Variants in TNRC6B observed in about 807,000 individuals in gnomAD.
The protein encoded by TNRC6B is trinucleotide repeat-containing gene 6B protein.
A neutral mutation model predicts 203.6 loss-of-function variants in TNRC6B; 52 were observed. That is an observed-to-expected ratio of 0.26 (90% CI 0.20 to 0.32). The LOEUF is 0.32. Ranked by LOEUF, TNRC6B falls within the 10% of genes least tolerant of loss-of-function variation. The probability of loss-of-function intolerance (pLI) is 1.00; values close to 1 mark genes in which losing one functional copy is unlikely to be tolerated. For synonymous variants in TNRC6B, 838 were observed against 845.7 expected (o/e 0.99, Z 0.16); for missense variants, 1,923 against 2,286.2 (o/e 0.84, Z 3.24).
At chr22:40,269,781 G>A (rs1038970673) in intron 5 of TNRC6B, among the ~76,000 whole-genome samples, 3 of 151,512 alleles carry the variant, frequency 2.0e-5, no homozygotes, top group African/African-American at 2.4e-5. Flanking sequence ...TCAGCTGCTC[G>A]GGAGGCTGAG....
intron 12 of TNRC6B, among the ~76,000 whole-genome samples, chr22:40,295,488 A>G (rs574760879): frequency 2.6e-4 from 39 of 151,860 alleles, no homozygotes; most frequent in African/African-American, 6.5e-4. Context: ...AAAAAAAAAA[A>G]AAAGAAAGAA....
rs1340806976 is a variant in TNRC6B at position 40,332,195 on chromosome 22, C to A, written c.*8954C>A. The A allele has an allele frequency of 6.6e-6, 1 of 152,580 alleles. No homozygotes were observed. Among genetic ancestry groups the A allele is most frequent in the East Asian group, 1.9e-4 (1 of 5,190 alleles). The allele number at this position is 152,580 out of a possible 1,614,324, so 9.5% of individuals were successfully genotyped here. The stretch of plus-strand genomic sequence containing the variant: ...CTCTCCTTTTTAATATTTCTTTCTT[C>A]CTTTTTAATCATGTTTAAGTGAACT... On this transcript the variant is annotated 3_prime_UTR_variant, in exon 23 of 23. Transcript: ENST00000454349.
At chr22:40,158,986 A>C (rs1428491519) in intron 4 of TNRC6B, among the ~76,000 whole-genome samples, 1 of 152,000 alleles carries the variant, frequency 6.6e-6, no homozygotes, top group African/African-American at 2.4e-5. Context: ...CGTGTGTGAC[A>C]GAGTCTCGCT....
At chr22:40,312,735 T>C (rs1601515381) in intron 18 of TNRC6B, 84 bp downstream of exon 18, 1 of 1,529,834 alleles carries the variant, frequency 6.5e-7, no homozygotes, top group East Asian at 2.3e-5. Flanking sequence ...TACTTGCTGG[T>C]ACCTAAAAGT....
intron 1 of TNRC6B, among the ~76,000 whole-genome samples, chr22:40,115,196 C>T (rs1307204441): frequency 6.6e-6 from 1 of 152,164 alleles, no homozygotes; most frequent in African/African-American, 2.4e-5. Flanking sequence ...GTTAAGGAGA[C>T]ATGTAATGAA....
chr22:40,267,156 A>G, intron 5 of TNRC6B, 120 bp downstream of exon 5: 1 of 1,060,608 alleles, frequency 9.4e-7, no homozygotes. Context: ...TACAGTTTCT[A>G]CTCTGTTGCT....
chr22:40,145,711 G>A (rs1275102200), intron 3 of TNRC6B, among the ~76,000 whole-genome samples: 1 of 151,956 alleles, frequency 6.6e-6, no homozygotes, highest in Non-Finnish European at 1.5e-5. Flanking sequence ...GTGTGGTGGC[G>A]CCCTCCTGTA....
chr22:40,128,579 A>G (rs111400428), intron 3 of TNRC6B, among the ~76,000 whole-genome samples: 4,754 of 144,466 alleles, frequency 0.033, 325 homozygotes, highest in Admixed American at 0.17. Flanking sequence ...CACGGCTCAC[A>G]GCTCACAGCT....
chr22:40,111,203 C>T (rs2068330683), intron 1 of TNRC6B, among the ~76,000 whole-genome samples: 1 of 152,218 alleles, frequency 6.6e-6, no homozygotes, highest in Non-Finnish European at 1.5e-5. Context: ...GTGCAAACAG[C>T]ACGTTCAACG....
intron 1 of TNRC6B, among the ~76,000 whole-genome samples, chr22:40,242,247 C>A (rs1041471686): frequency 5.3e-5 from 8 of 151,984 alleles, no homozygotes; most frequent in Non-Finnish European, 1.0e-4. Flanking sequence ...TATATACTCA[C>A]ATATGTACAC....
At chr22:40,173,444 T>TA (rs2069022680), upstream of TNRC6B, among the ~76,000 whole-genome samples, 1 of 149,994 alleles carries the variant, frequency 6.7e-6, no homozygotes, top group Non-Finnish European at 1.5e-5. Flanking sequence ...TTTTGGCTGT[T>TA]ACTTTATATC....
At chr22:40,122,663 C>G (rs1470687394) in intron 2 of TNRC6B, among the ~76,000 whole-genome samples, 1 of 152,100 alleles carries the variant, frequency 6.6e-6, no homozygotes, top group African/African-American at 2.4e-5. Context: ...GGTGGAAACT[C>G]AGGAGCCAGG....
chr22:40,203,885 G>A (rs370063648), intron 1 of TNRC6B, among the ~76,000 whole-genome samples: 10 of 152,300 alleles, frequency 6.6e-5, no homozygotes, highest in East Asian at 1.9e-4. Context: ...CAGCATCGGC[G>A]TGGGCCTCTA....
In TNRC6B at chr22:40,328,205, T is replaced by C. The variant is rs937069547; in HGVS notation, c.*4964T>C. ...TTGCAAGTTAAGGTTCCAAACCAAA[T>C]TATTTAATCAGTGTCCCCCCAATAA... is the stretch of plus-strand genomic sequence containing the variant. On this transcript the variant is annotated 3_prime_UTR_variant, in exon 23 of 23. Coordinates refer to ENST00000454349, the MANE Select transcript of TNRC6B (RefSeq NM_001162501.2). 7 of 152,248 alleles carry C rather than the reference T, an allele frequency of 4.6e-5. No individual in the cohort carries two copies. Among genetic ancestry groups the C allele is most frequent in the Non-Finnish European group, 1.0e-4 (7 of 68,044 alleles). The allele number at this position is 152,248 out of a possible 1,614,324, so 9.4% of individuals were successfully genotyped here. A position where few individuals can be genotyped will look rare whatever the true frequency, so the allele number is the denominator to read the frequency against.
chr22:40,110,606 G>T (rs903503205), intron 1 of TNRC6B, among the ~76,000 whole-genome samples: 3 of 152,220 alleles, frequency 2.0e-5, no homozygotes, highest in Non-Finnish European at 2.9e-5. Flanking sequence ...GAGCAAGCTG[G>T]ATTAATACCC....
intron 1 of TNRC6B, among the ~76,000 whole-genome samples, chr22:40,100,880 G>A (rs1254428874): frequency 6.6e-6 from 1 of 152,212 alleles, no homozygotes; most frequent in Non-Finnish European, 1.5e-5. Flanking sequence ...TAGGTTTGGA[G>A]AAGAGTTCTT....
At position 40,178,135 on chromosome 22, in the gene TNRC6B, T is replaced by C; in HGVS notation, c.-1T>C. On this transcript the variant is annotated 5_prime_UTR_variant, in exon 1 of 23. Transcript: ENST00000454349. The stretch of plus-strand genomic sequence containing the variant: ...GCTGGATTTAAGCACTGCTGCACTT[T>C]ATGAGGTTGGTAAATATTTTCAATT... 2 of 1,613,754 alleles carry C rather than the reference T, an allele frequency of 1.2e-6. No individual in the cohort carries two copies. Among genetic ancestry groups the C allele is most frequent in the East Asian group, 2.2e-5 (1 of 44,874 alleles).
intron 4 of TNRC6B, among the ~76,000 whole-genome samples, chr22:40,168,642 T>G (rs562438632): frequency 1.3e-5 from 2 of 152,244 alleles, no homozygotes; most frequent in Non-Finnish European, 2.9e-5. Context: ...TAACATAGTT[T>G]TGGCTATTAT....
chr22:40,220,225 C>T (rs569704288), intron 1 of TNRC6B, among the ~76,000 whole-genome samples: 1 of 152,084 alleles, frequency 6.6e-6, no homozygotes, highest in Non-Finnish European at 1.5e-5. Context: ...AGCAGGGAAT[C>T]CTTGTTGAAG....
Sources: gnomAD v4.1 joint callset for allele counts (sites outside exome capture counted in the v4.1 genomes callset) on GRCh38, gnomAD v4.1.1 for gene constraint, MANE v1.5 for transcripts, NCBI Gene and HGNC (gene_info 2026-07-23, HGNC 2026-07-21) for gene names.